ACSM1: variants seen among roughly 807,000 people sequenced by gnomAD.
The protein encoded by ACSM1 is acyl-CoA synthetase medium chain family member 1.
A neutral mutation model predicts 75.8 loss-of-function variants in ACSM1; 79 were observed. The observed-to-expected ratio is 1.04, with a 90% CI of 0.87 to 1.26. The LOEUF is 1.26. ACSM1 is among the 50% of genes most tolerant of loss of function. The probability of loss-of-function intolerance (pLI) is 0.00; values close to 1 mark genes in which losing one functional copy is unlikely to be tolerated. For missense variants in ACSM1, 676 were observed against 720.1 expected (o/e 0.94, Z 0.70); for synonymous variants, 279 against 265.8 (o/e 1.05, Z -0.48).
At chr16:20,660,419 G>C (rs1407664226) in intron 7 of ACSM1, among the ~76,000 whole-genome samples, 4 of 152,172 alleles carry the variant, frequency 2.6e-5, no homozygotes, top group Non-Finnish European at 5.9e-5. Context: ...ACAGGGTCAA[G>C]AGTGAGGATA....
At chr16:20,632,134 A>G (rs774577973) in intron 10 of ACSM1, among the ~76,000 whole-genome samples, 1 of 152,184 alleles carries the variant, frequency 6.6e-6, no homozygotes, top group Non-Finnish European at 1.5e-5. Flanking sequence ...TTTAGCACAT[A>G]CGTTAAAAAA....
At chr16:20,685,136 G>T in intron 3 of ACSM1, 57 bp downstream of exon 3, 1 of 1,579,032 alleles carries the variant, frequency 6.3e-7, no homozygotes, top group South Asian at 1.1e-5. Context: ...AATATCTCAG[G>T]ACCCATTGGT....
At chr16:20,670,392 T>A (rs556343362) in intron 5 of ACSM1, among the ~76,000 whole-genome samples, 3 of 152,314 alleles carry the variant, frequency 2.0e-5, no homozygotes, top group Admixed American at 2.0e-4. Flanking sequence ...TAGTACCTGA[T>A]CCATGCCACT....
chr16:20,672,471 A>AAAAAAAAAAAAAAAAAT (rs1555473775), intron 4 of ACSM1, among the ~76,000 whole-genome samples: 1 of 64,562 alleles, frequency 1.5e-5, no homozygotes, highest in African/African-American at 6.1e-5. Flanking sequence ...AAAAAAAAAA[A>AAAAAAAAAAAAAAAAAT]ATATATATAT....
Position 20,624,658 on chromosome 16 carries a change from T to C in ACSM1, c.1528-443A>G, listed in dbSNP as rs560909658. ...TTTAGATTAGCAATGTTATCCAAGT[T>C]TTATTGCACAAGGTCTCACATATAG... On this transcript the variant is annotated intron_variant, in intron 12 of 13. Coordinates refer to ENST00000520010, the MANE Select transcript of ACSM1 (RefSeq NM_001318890.3). 9.7e-4 allele frequency among the ~76,000 whole-genome samples: 148 copies of C among 152,342 alleles called. No individual in the cohort carries two copies. In the Middle Eastern group the frequency reaches 0.01, roughly 11 times the overall value.
chr16:20,626,002 A>G (rs2016900480), intron 11 of ACSM1, among the ~76,000 whole-genome samples: 1 of 152,240 alleles, frequency 6.6e-6, no homozygotes, highest in Non-Finnish European at 1.5e-5. Context: ...ATCGTCTCAC[A>G]TAATTGCCTT....
Position 20,671,509 on chromosome 16 carries a change from A to G in ACSM1, c.752+22T>C, listed in dbSNP as rs536517330. On this transcript the variant is annotated intron_variant, in intron 5 of 13. Coordinates refer to ENST00000520010, the MANE Select transcript of ACSM1 (RefSeq NM_001318890.3). ...TTGCCCACATCTGGGTCCAGCCTCT[A>G]TGTCGGTGCCCTCTTTCCTACCTTC... 1.5e-4 allele frequency: 231 copies of G among 1,583,628 alleles called. 4 individuals carry two copies. In the South Asian group the frequency reaches 2.5e-3, roughly 17 times the overall value.
intron 6 of ACSM1, among the ~76,000 whole-genome samples, chr16:20,665,130 A>G (rs2019501230): frequency 6.6e-6 from 1 of 152,144 alleles, no homozygotes; most frequent in Non-Finnish European, 1.5e-5. Context: ...AGCTATCAGA[A>G]GAAAATAAAT....
At chr16:20,625,601 G>A (rs1487382313) in intron 11 of ACSM1, 79 bp from the exon 12 acceptor site, 3 of 1,316,466 alleles carry the variant, frequency 2.3e-6, no homozygotes, top group East Asian at 2.5e-5. Flanking sequence ...TGGAGTCACA[G>A]CTTCCTTTGG....
chr16:20,637,288 C>A (rs564077145), intron 9 of ACSM1, 83 bp downstream of exon 9: 4 of 1,053,216 alleles, frequency 3.8e-6, no homozygotes, highest in Admixed American at 1.7e-5. Flanking sequence ...CAGGGAAGTG[C>A]GGCTGGTGTT....
intron 8 of ACSM1, among the ~76,000 whole-genome samples, chr16:20,638,726 C>G (rs886171530): frequency 1.3e-5 from 2 of 152,196 alleles, no homozygotes; most frequent in Non-Finnish European, 2.9e-5. Flanking sequence ...GAGACTTGGA[C>G]CCAGGTCTGT....
chr16:20,679,022 A>G (rs796148589), intron 4 of ACSM1: 5 of 152,250 alleles, frequency 3.3e-5, no homozygotes, highest in African/African-American at 7.2e-5. Context: ...AAAAATGCCT[A>G]TAAGTCTAAC....
At chr16:20,679,876 T>C (rs2079403071) in intron 4 of ACSM1, 1 of 152,162 alleles carries the variant, frequency 6.6e-6, no homozygotes, top group Admixed American at 6.5e-5. Context: ...AGGAGAGTTA[T>C]AGCTCGAACA....
intron 10 of ACSM1, among the ~76,000 whole-genome samples, chr16:20,633,381 A>C (rs574516000): frequency 2.0e-5 from 3 of 152,346 alleles, no homozygotes; most frequent in Admixed American, 2.0e-4. Context: ...CTAAAAATTA[A>C]AAATCCAAAG....
intron 7 of ACSM1, 124 bp from the exon 8 acceptor site, chr16:20,640,708 T>G: frequency 2.7e-6 from 4 of 1,482,044 alleles, no homozygotes; most frequent in Non-Finnish European, 3.6e-6. Context: ...TACTTTTTGG[T>G]CATTTTACAG....
chr16:20,678,351 G>T (rs2079356916), intron 4 of ACSM1, among the ~76,000 whole-genome samples: 4 of 152,048 alleles, frequency 2.6e-5, no homozygotes, highest in Non-Finnish European at 5.9e-5. Context: ...ATGTGCCATG[G>T]CTCACTGCTA....
intron 7 of ACSM1, among the ~76,000 whole-genome samples, chr16:20,661,431 G>A (rs918563571): frequency 1.3e-5 from 2 of 152,130 alleles, no homozygotes; most frequent in African/African-American, 4.8e-5. Context: ...TAAGGGAGAT[G>A]GAAGTCTCTG....
At chr16:20,625,811 C>G (rs1007000127) in intron 11 of ACSM1, among the ~76,000 whole-genome samples, 1 of 152,204 alleles carries the variant, frequency 6.6e-6, no homozygotes, top group African/African-American at 2.4e-5. Flanking sequence ...TCCCCCAACA[C>G]GAAATCTCTT....
chr16:20,694,260 G>A (rs1387055110), intron 1 of ACSM1, among the ~76,000 whole-genome samples: 1 of 152,210 alleles, frequency 6.6e-6, no homozygotes, highest in African/African-American at 2.4e-5. Context: ...GCAGTAGGGT[G>A]GATGCGTCAG....
Sources: allele counts gnomAD v4.1 joint callset (sites outside exome capture counted in the v4.1 genomes callset), GRCh38; gene constraint gnomAD v4.1.1; transcripts MANE v1.5; gene names NCBI Gene and HGNC (gene_info 2026-07-23, HGNC 2026-07-21).